The following PTPRD variants were observed in gnomAD, a reference collection of about 807,000 sequenced individuals.
PTPRD encodes protein tyrosine phosphatase receptor type D, also known as receptor-type tyrosine-protein phosphatase delta.
In PTPRD, 34 loss-of-function variants were observed where a neutral mutation model predicts 214.5. That is an observed-to-expected ratio of 0.16 (90% CI 0.12 to 0.21). PTPRD has a LOEUF of 0.21. Among genes scored for constraint, PTPRD ranks in the 10% least tolerant of loss-of-function variants. The pLI is 1.00. For synonymous variants in PTPRD, 1,128 were observed against 845.7 expected, an observed-to-expected ratio of 1.33 and a Z score of -5.79; for missense variants, 2,545 against 2,398.7, an observed-to-expected ratio of 1.06 and a Z score of -1.27.
intron 3 of PTPRD, among the ~76,000 whole-genome samples, chr9:10,057,348 C>T (rs1355354975): frequency 6.6e-6 from 1 of 152,080 alleles, no homozygotes; most frequent in East Asian, 1.9e-4. Context: ...AGGAAATAGT[C>T]ACAAAGATGT....
At chr9:9,907,422 T>C (rs2077897465) in intron 5 of PTPRD, among the ~76,000 whole-genome samples, 1 of 151,948 alleles carries the variant, frequency 6.6e-6, no homozygotes, top group African/African-American at 2.4e-5. Context: ...AAGTTGTTGG[T>C]AGGTCTGGTT....
intron 11 of PTPRD, among the ~76,000 whole-genome samples, chr9:8,964,750 G>A (rs927091339): frequency 3.9e-5 from 6 of 151,958 alleles, no homozygotes; most frequent in Non-Finnish European, 7.4e-5. Context: ...TTGTTTTGTT[G>A]TGTCTCTGTT....
intron 4 of PTPRD, among the ~76,000 whole-genome samples, chr9:9,979,198 G>A (rs977140241): frequency 1.3e-5 from 2 of 151,960 alleles, no homozygotes; most frequent in Non-Finnish European, 1.5e-5. Flanking sequence ...AAGAAAGAGT[G>A]TCAAAAATGG....
intron 16 of PTPRD, among the ~76,000 whole-genome samples, chr9:8,526,954 T>G (rs1412766292): frequency 1.4e-5 from 2 of 144,074 alleles, no homozygotes; most frequent in Non-Finnish European, 3.1e-5. Flanking sequence ...ATGCCTCATA[T>G]CTCTTAAAAA....
intron 12 of PTPRD, among the ~76,000 whole-genome samples, chr9:8,723,282 T>C (rs61070023): frequency 0.098 from 14,904 of 152,162 alleles, 2,264 homozygotes; most frequent in African/African-American, 0.33. Flanking sequence ...ATTCTTCGGC[T>C]CAAGTGTTGT....
chr9:9,173,218 G>C (rs1466772334), intron 10 of PTPRD, among the ~76,000 whole-genome samples: 1 of 152,056 alleles, frequency 6.6e-6, no homozygotes, highest in African/African-American at 2.4e-5. Flanking sequence ...TGACTCAAAA[G>C]TCACCTACTC....
At chr9:9,768,901 T>C (rs1356272179) in intron 5 of PTPRD, among the ~76,000 whole-genome samples, 2 of 152,178 alleles carry the variant, frequency 1.3e-5, no homozygotes, top group African/African-American at 2.4e-5. Context: ...GTTTGTAACA[T>C]GCACATCTCT....
chr9:8,638,170 AC>A (rs2154330537), intron 12 of PTPRD, among the ~76,000 whole-genome samples: 1 of 141,794 alleles, frequency 7.1e-6, no homozygotes, highest in South Asian at 2.2e-4. Context: ...ACTGTGTTCT[AC>A]TTACATGTCA....
At chr9:9,527,927 T>C (rs148063842) in intron 8 of PTPRD, among the ~76,000 whole-genome samples, 57 of 152,312 alleles carry the variant, frequency 3.7e-4, no homozygotes, top group Admixed American at 3.9e-4. Context: ...AGTCCAGATA[T>C]GAAATAACGC....
chr9:9,998,129 A>AAATATATATATATATATATATATATATAT (rs57991748), intron 4 of PTPRD, among the ~76,000 whole-genome samples: 16 of 91,446 alleles, frequency 1.7e-4, no homozygotes, highest in African/African-American at 9.4e-4. Flanking sequence ...AAAAAAAAAA[A>AAATATATATATATATATATATATATATAT]ATATATATAT....
rs1210208767 is a variant in PTPRD, at chr9:8,518,189, C to G, written c.1202G>C (p.Arg401Pro). 6.2e-7 allele frequency: 1 copy of G among 1,614,122 alleles called. No homozygotes were observed. The highest frequency in any genetic ancestry group is 8.5e-7 in the Non-Finnish European group (1 of 1,180,006). Residue 401 changes from arginine (R) to proline (P), a missense_variant, in exon 21 of 46, where the codon CGG becomes CCG. Arg to Pro is a moderately radical substitution (Grantham distance 103). Transcript: ENST00000381196. ...TAGCACAGGTTCGCTGGGAGGCCCC[C>G]GCCCAATGTTATTGACAGCAACAAC... ...FRVVAVNNIG[R>P]GPPSEPVLTQ... is the part of the protein sequence containing the mutation.
chr9:8,578,083 T>G (rs2092656171), intron 14 of PTPRD, among the ~76,000 whole-genome samples: 2 of 152,186 alleles, frequency 1.3e-5, no homozygotes, highest in African/African-American at 2.4e-5. Flanking sequence ...TCATTGCGCT[T>G]TATACAGATA....
At chr9:8,597,653 A>G (rs2094547328) in intron 14 of PTPRD, among the ~76,000 whole-genome samples, 1 of 152,168 alleles carries the variant, frequency 6.6e-6, no homozygotes, top group African/African-American at 2.4e-5. Flanking sequence ...CTCTAAATCA[A>G]TATCAATTTC....
intron 35 of PTPRD, among the ~76,000 whole-genome samples, chr9:8,408,520 G>C (rs1021486607): frequency 6.6e-5 from 10 of 152,082 alleles, no homozygotes; most frequent in Non-Finnish European, 1.3e-4. Flanking sequence ...TTGCAAGTTA[G>C]AAATAAAGCA....
chr9:9,996,934 G>T (rs2096141710), intron 4 of PTPRD, among the ~76,000 whole-genome samples: 1 of 152,052 alleles, frequency 6.6e-6, no homozygotes, highest in Non-Finnish European at 1.5e-5. Context: ...ACATACATTT[G>T]GAAACATTTA....
intron 8 of PTPRD, among the ~76,000 whole-genome samples, chr9:9,484,735 G>A (rs1484215552): frequency 6.6e-6 from 1 of 152,072 alleles, no homozygotes; most frequent in African/African-American, 2.4e-5. Flanking sequence ...GGTCATATAG[G>A]TATTACATTG....
intron 6 of PTPRD, among the ~76,000 whole-genome samples, chr9:9,751,941 T>C (rs10816176): frequency 0.04 from 6,083 of 152,180 alleles, 726 homozygotes; most frequent in East Asian, 0.4. Flanking sequence ...ATATTAAAAA[T>C]AGTAACAGTG....
intron 3 of PTPRD, among the ~76,000 whole-genome samples, chr9:10,086,750 A>G (rs2098344545): frequency 6.6e-6 from 1 of 151,770 alleles, no homozygotes; most frequent in African/African-American, 2.4e-5. Flanking sequence ...ATGAAACAAA[A>G]ATGCAAACAC....
At position 8,981,557 on chromosome 9, in the gene PTPRD, G is replaced by A. The variant is rs2154340631; in HGVS notation, c.-104+37140C>T. Among the ~76,000 whole-genome samples, 2 of 152,070 alleles carry A rather than the reference G, an allele frequency of 1.3e-5. 1 individual carries two copies. Among genetic ancestry groups the A allele is most frequent in the Middle Eastern group, 6.8e-3 (2 of 294 alleles). ...GGCTAGGAATCTTTGTGGAGTGAAAGTGGTGCAACTGTATGTGGCAACCCA... is the reference window on the plus strand; with the variant it reads ...GGCTAGGAATCTTTGTGGAGTGAAAATGGTGCAACTGTATGTGGCAACCCA... On this transcript the variant is annotated intron_variant, in intron 11 of 45. Transcript: ENST00000381196.
Sources: gnomAD v4.1 joint callset for allele counts (sites outside exome capture counted in the v4.1 genomes callset) on GRCh38, gnomAD v4.1.1 for gene constraint, MANE v1.5 for transcripts, NCBI Gene and HGNC (gene_info 2026-07-23, HGNC 2026-07-21) for gene names.